Variants in RNF168 observed in about 807,000 individuals in gnomAD.
The protein encoded by RNF168 is E3 ubiquitin-protein ligase RNF168.
A neutral mutation model predicts 34.9 loss-of-function variants in RNF168; 34 were observed. The observed-to-expected ratio is 0.97, with a 90% CI of 0.74 to 1.30. The LOEUF (loss-of-function observed/expected upper bound fraction) is 1.30, where lower values mean the gene tolerates loss of function less well. Among genes scored for constraint, RNF168 ranks in the 50% most tolerant of loss-of-function variants. The pLI, the probability that RNF168 is intolerant of heterozygous loss-of-function variation, is 0.00. For missense variants in RNF168, 725 were observed against 682.5 expected, an observed-to-expected ratio of 1.06 and a Z score of -0.69; for synonymous variants, 264 against 254.7, an observed-to-expected ratio of 1.04 and a Z score of -0.35.
Position 196,503,269 on chromosome 3 carries a change from T to G in RNF168, c.-96A>C. 1 of 1,097,132 alleles carries G rather than the reference T, an allele frequency of 9.1e-7. No homozygotes were observed. The highest frequency in any genetic ancestry group is 1.4e-6 in the Non-Finnish European group (1 of 728,706). 68.0% of individuals were successfully genotyped at this position (1,097,132 alleles called of 1,614,324 possible). ...CAGAGAGAGCAAAAGCAGTTTTGTG[T>G]TTCAGTATTATGCCCAGAAGCGTAT... is the stretch of plus-strand genomic sequence containing the variant. On this transcript the variant is annotated 5_prime_UTR_variant, in exon 1 of 6. Coordinates refer to ENST00000318037, the MANE Select transcript of RNF168 (RefSeq NM_152617.4).
At chr3:196,489,156 T>G (rs1410553957) in intron 1 of RNF168, among the ~76,000 whole-genome samples, 2 of 151,280 alleles carry the variant, frequency 1.3e-5, no homozygotes, top group African/African-American at 4.9e-5. Context: ...ACGCCCGGCC[T>G]GGAATTCCAT....
intron 1 of RNF168, among the ~76,000 whole-genome samples, chr3:196,501,038 G>GT (rs1387522118): frequency 3.3e-5 from 5 of 152,186 alleles, no homozygotes; most frequent in Non-Finnish European, 5.9e-5. Context: ...ACAGAGTTAA[G>GT]ATACCAGTTC....
intron 1 of RNF168, among the ~76,000 whole-genome samples, chr3:196,497,409 C>A (rs556721704): frequency 6.6e-6 from 1 of 152,302 alleles, no homozygotes; most frequent in South Asian, 2.1e-4. Flanking sequence ...CAGTGGCTCA[C>A]ACCTGTAATC....
At chr3:196,493,501 T>C (rs1732645421) in intron 1 of RNF168, among the ~76,000 whole-genome samples, 2 of 152,068 alleles carry the variant, frequency 1.3e-5, no homozygotes, top group Admixed American at 1.3e-4. Flanking sequence ...ATAACAGGTG[T>C]GAGCCACTGC....
chr3:196,477,170 G>T (rs969508891), intron 4 of RNF168, among the ~76,000 whole-genome samples: 5 of 152,182 alleles, frequency 3.3e-5, no homozygotes, highest in African/African-American at 1.2e-4. Context: ...GCTACAAGAT[G>T]GTAGGTATAG....
chr3:196,486,084 C>T (rs1200244000), intron 3 of RNF168, among the ~76,000 whole-genome samples: 1 of 152,152 alleles, frequency 6.6e-6, no homozygotes, highest in Non-Finnish European at 1.5e-5. Context: ...TATCACACAC[C>T]ATTTAATTCA....
intron 1 of RNF168, among the ~76,000 whole-genome samples, chr3:196,491,742 GT>G (rs933816855): frequency 4.7e-5 from 7 of 149,606 alleles, no homozygotes; most frequent in East Asian, 1.9e-4. Flanking sequence ...CCAACACTTG[GT>G]TTTTTTTTTA....
At chr3:196,476,627 G>A (rs1464424408) in intron 4 of RNF168, among the ~76,000 whole-genome samples, 1 of 151,974 alleles carries the variant, frequency 6.6e-6, no homozygotes, top group Admixed American at 6.6e-5. Flanking sequence ...TGTTGGCCAG[G>A]CTGGTCTCGA....
chr3:196,496,055 A>T (rs1577522045), intron 1 of RNF168, among the ~76,000 whole-genome samples: 2 of 152,256 alleles, frequency 1.3e-5, no homozygotes, highest in South Asian at 2.1e-4. Context: ...ATGTGTTAAC[A>T]AAGTTAACAC....
chr3:196,502,054 G>GAAAAAAAAAA lies in RNF168; in HGVS notation c.301+809_301+818dup, dbSNP rs554041803. On this transcript the variant is annotated intron_variant, in intron 1 of 5. Coordinates refer to ENST00000318037, the MANE Select transcript of RNF168 (RefSeq NM_152617.4). ...ATATAACTGTGACCAAAAAAAATTAGAAAAAAAAAAAAAAAAAAAAAAAAA... is the reference window on the plus strand; with the variant it reads ...ATATAACTGTGACCAAAAAAAATTAGAAAAAAAAAAAAAAAAAAAAAAAAAAAAAAAAAAA... 8.8e-4 allele frequency among the ~76,000 whole-genome samples: 44 copies of GAAAAAAAAAA among 50,046 alleles called. 1 individual carries two copies. The highest frequency in any genetic ancestry group is 1.1e-3 in the African/African-American group (16 of 14,406). 32.8% of individuals were successfully genotyped at this position (50,046 alleles called of 152,430 possible).
At chr3:196,502,697 G>T (rs962612468) in intron 1 of RNF168, among the ~76,000 whole-genome samples, 176 bp downstream of exon 1, 1 of 152,128 alleles carries the variant, frequency 6.6e-6, no homozygotes, top group African/African-American at 2.4e-5. Context: ...TCTTGCCCTT[G>T]ACTTTATAAT....
At chr3:196,490,229 TCAGAAA>T (rs1474733660) in intron 1 of RNF168, among the ~76,000 whole-genome samples, 4 of 152,094 alleles carry the variant, frequency 2.6e-5, no homozygotes, top group African/African-American at 9.7e-5. Context: ...TAATTCTGGG[TCAGAAA>T]ATAACCTAAA....
intron 4 of RNF168, among the ~76,000 whole-genome samples, chr3:196,476,343 A>G (rs533719390): frequency 6.6e-6 from 1 of 152,232 alleles, no homozygotes; most frequent in Non-Finnish European, 1.5e-5. Context: ...TACTATTGGG[A>G]AAAAGTCCAT....
At chr3:196,502,587 C>CA (rs1170053741) in intron 1 of RNF168, among the ~76,000 whole-genome samples, 3,589 of 120,870 alleles carry the variant, frequency 0.03, 91 homozygotes, top group African/African-American at 0.076. Flanking sequence ...GATCCTGTCT[C>CA]AAAAAAAAAA....
intron 4 of RNF168, among the ~76,000 whole-genome samples, chr3:196,477,037 T>C (rs540092135): frequency 2.0e-5 from 3 of 152,298 alleles, no homozygotes; most frequent in African/African-American, 7.2e-5. Context: ...CGTGAGCCAC[T>C]GCACCTGGTC....
At chr3:196,482,519 CAACT>C (rs1187903486) in intron 4 of RNF168, among the ~76,000 whole-genome samples, 1 of 152,140 alleles carries the variant, frequency 6.6e-6, no homozygotes, top group Non-Finnish European at 1.5e-5. Context: ...AAGGAATCAC[CAACT>C]GTTTTCTGCA....
intron 4 of RNF168, among the ~76,000 whole-genome samples, chr3:196,476,418 C>CTT (rs869289943): frequency 6.1e-5 from 8 of 131,410 alleles, no homozygotes; most frequent in African/African-American, 8.2e-5. Flanking sequence ...CAACTCTCTT[C>CTT]TTTTTTTTTT....
chr3:196,483,718 C>T (rs1027923285), intron 4 of RNF168, 52 bp downstream of exon 4: 25 of 1,493,456 alleles, frequency 1.7e-5, no homozygotes, highest in Middle Eastern at 1.9e-4. Flanking sequence ...GAACAGAAAA[C>T]ACTGGCATAC....
chr3:196,502,053 A>AG (rs1732904239), intron 1 of RNF168, among the ~76,000 whole-genome samples: 1 of 91,910 alleles, frequency 1.1e-5, no homozygotes, highest in Non-Finnish European at 2.2e-5. Flanking sequence ...AAAAAAAATT[A>AG]GAAAAAAAAA....
Sources: allele counts gnomAD v4.1 joint callset (sites outside exome capture counted in the v4.1 genomes callset), GRCh38; gene constraint gnomAD v4.1.1; transcripts MANE v1.5; gene names NCBI Gene and HGNC (gene_info 2026-07-23, HGNC 2026-07-21).